SPOCK1: variants seen among roughly 807,000 people sequenced by gnomAD.
SPOCK1 encodes testican-1.
SPOCK1 carries 23 observed loss-of-function variants against 55.3 expected under a neutral mutation model. The observed-to-expected ratio is 0.42, with a 90% CI of 0.30 to 0.59. The LOEUF (loss-of-function observed/expected upper bound fraction) is 0.59, where lower values mean the gene tolerates loss of function less well. Among genes scored for constraint, SPOCK1 ranks in the 20% least tolerant of loss-of-function variants. The pLI, the probability that SPOCK1 is intolerant of heterozygous loss-of-function variation, is 0.22. For missense variants in SPOCK1, 499 were observed against 552.5 expected, an observed-to-expected ratio of 0.90 and a Z score of 0.97; for synonymous variants, 226 against 221.0, an observed-to-expected ratio of 1.02 and a Z score of -0.20.
intron 3 of SPOCK1, among the ~76,000 whole-genome samples, chr5:137,229,132 T>C (rs1756002870): frequency 1.3e-5 from 2 of 152,138 alleles, no homozygotes; most frequent in Admixed American, 1.3e-4. Flanking sequence ...TCAACCTATC[T>C]TGACTGGGAT....
At chr5:136,978,949 T>C in intron 10 of SPOCK1, 105 bp from the exon 11 acceptor site, 1 of 1,252,956 alleles carries the variant, frequency 8.0e-7, no homozygotes, top group Non-Finnish European at 1.1e-6. Flanking sequence ...GCAGTTTACT[T>C]TCTGAAAACA....
intron 2 of SPOCK1, among the ~76,000 whole-genome samples, chr5:137,470,398 C>G (rs547083829): frequency 1.3e-5 from 2 of 152,206 alleles, no homozygotes; most frequent in Non-Finnish European, 2.9e-5. Context: ...AAGAGTTATG[C>G]TGTTTGTCTT....
chr5:137,239,613 G>T (rs1205874838), intron 3 of SPOCK1, among the ~76,000 whole-genome samples: 1 of 152,058 alleles, frequency 6.6e-6, no homozygotes, highest in Non-Finnish European at 1.5e-5. Flanking sequence ...TGTCAGAATT[G>T]AACTGAATTG....
intron 3 of SPOCK1, among the ~76,000 whole-genome samples, chr5:137,189,549 A>G (rs1755137758): frequency 6.6e-6 from 1 of 152,212 alleles, no homozygotes; most frequent in African/African-American, 2.4e-5. Flanking sequence ...CCACTCAGAA[A>G]AAAAGATCCC....
intron 2 of SPOCK1, among the ~76,000 whole-genome samples, chr5:137,273,043 C>A (rs1356819970): frequency 6.6e-6 from 1 of 152,120 alleles, no homozygotes; most frequent in Non-Finnish European, 1.5e-5. Flanking sequence ...TTAAAGTCCT[C>A]CAGGTCTTAG....
At chr5:137,101,708 T>C (rs1753267986) in intron 5 of SPOCK1, among the ~76,000 whole-genome samples, 1 of 152,234 alleles carries the variant, frequency 6.6e-6, no homozygotes, top group African/African-American at 2.4e-5. Context: ...TCTGAAAATG[T>C]CACAATAACC....
chr5:137,096,615 T>C (rs1249111539), intron 5 of SPOCK1, among the ~76,000 whole-genome samples: 1 of 152,126 alleles, frequency 6.6e-6, no homozygotes, highest in Non-Finnish European at 1.5e-5. Flanking sequence ...TACTTGAAAA[T>C]GAATCATCAC....
chr5:137,325,248 C>T (rs1334692127), intron 2 of SPOCK1, among the ~76,000 whole-genome samples: 1 of 152,136 alleles, frequency 6.6e-6, no homozygotes, highest in Non-Finnish European at 1.5e-5. Context: ...TATTATCTCT[C>T]AATATATGTC....
chr5:137,248,246 C>A (rs1449946217), intron 3 of SPOCK1, among the ~76,000 whole-genome samples: 1 of 152,182 alleles, frequency 6.6e-6, no homozygotes, highest in African/African-American at 2.4e-5. Flanking sequence ...GCATCTTAAT[C>A]TTTACACCCT....
intron 4 of SPOCK1, among the ~76,000 whole-genome samples, chr5:137,122,548 A>T (rs1472328906): frequency 6.6e-6 from 1 of 152,184 alleles, no homozygotes. Flanking sequence ...TGGCCCATTA[A>T]AGAGAGGTCC....
intron 2 of SPOCK1, among the ~76,000 whole-genome samples, chr5:137,419,194 G>A (rs1302556111): frequency 1.3e-5 from 2 of 152,186 alleles, no homozygotes; most frequent in Non-Finnish European, 2.9e-5. Flanking sequence ...TGCTGTTTTG[G>A]TTACTGTAGC....
chr5:137,260,182 A>T (rs1756720516), intron 3 of SPOCK1, among the ~76,000 whole-genome samples: 1 of 152,198 alleles, frequency 6.6e-6, no homozygotes, highest in Admixed American at 6.5e-5. Flanking sequence ...TGGCAGAGCC[A>T]TGTCCCACCT....
chr5:137,445,305 G>C (rs370828628), intron 2 of SPOCK1, among the ~76,000 whole-genome samples: 1 of 152,116 alleles, frequency 6.6e-6, no homozygotes, highest in African/African-American at 2.4e-5. Context: ...ATTCTAACTG[G>C]TTACAAAATG....
At chr5:137,033,162 G>A (rs940488262) in intron 6 of SPOCK1, among the ~76,000 whole-genome samples, 3 of 152,172 alleles carry the variant, frequency 2.0e-5, no homozygotes, top group South Asian at 2.1e-4. Context: ...CCCTCGTGGC[G>A]GCCGAAGGCC....
At chr5:137,039,038 C>T (rs1239403872) in intron 6 of SPOCK1, among the ~76,000 whole-genome samples, 2 of 152,196 alleles carry the variant, frequency 1.3e-5, no homozygotes, top group East Asian at 3.9e-4. Flanking sequence ...TGATGATGAT[C>T]GTGGTGGTGG....
intron 6 of SPOCK1, among the ~76,000 whole-genome samples, chr5:137,014,518 G>A (rs1027108457): frequency 3.3e-5 from 5 of 152,158 alleles, no homozygotes; most frequent in African/African-American, 4.8e-5. Context: ...AAGATTTGGA[G>A]TTTTATTCAA....
intron 5 of SPOCK1, among the ~76,000 whole-genome samples, chr5:137,109,654 T>C (rs1031722902): frequency 2.6e-5 from 4 of 152,036 alleles, no homozygotes; most frequent in Non-Finnish European, 4.4e-5. Flanking sequence ...ATATCCTCCC[T>C]CTCCTTCTTA....
At position 136,976,552 on chromosome 5, in the gene SPOCK1, G is replaced by A. The variant is rs1225697089; in HGVS notation, c.*2102C>T. 3 of 152,490 alleles carry A rather than the reference G, an allele frequency of 2.0e-5. No individual in the cohort carries two copies. Among genetic ancestry groups the A allele is most frequent in the Non-Finnish European group, 4.4e-5 (3 of 68,008 alleles). 9.4% of individuals were successfully genotyped at this position (152,490 alleles called of 1,614,324 possible). On this transcript the variant is annotated 3_prime_UTR_variant, in exon 11 of 11. Transcript: ENST00000394945. Reference sequence around the variant, plus strand: ...AAGCTCAAAGGAGATAGTAACAATGGTTTTCTTTGATGATCTAAAGTGAGA... The same window carrying A: ...AAGCTCAAAGGAGATAGTAACAATGATTTTCTTTGATGATCTAAAGTGAGA...
intron 6 of SPOCK1, among the ~76,000 whole-genome samples, chr5:137,040,877 TTG>T (rs1454984108): frequency 6.6e-6 from 1 of 152,126 alleles, no homozygotes; most frequent in Admixed American, 6.6e-5. Context: ...GCCAAGGAAA[TTG>T]TTCCTACTGT....
Sources: gnomAD v4.1 joint callset for allele counts (sites outside exome capture counted in the v4.1 genomes callset) on GRCh38, gnomAD v4.1.1 for gene constraint, MANE v1.5 for transcripts, NCBI Gene and HGNC (gene_info 2026-07-23, HGNC 2026-07-21) for gene names.